The following CNBD1 variants were observed in gnomAD, a reference collection of about 807,000 sequenced individuals.
CNBD1 encodes the protein cyclic nucleotide-binding domain-containing protein 1.
A neutral mutation model predicts 54.4 loss-of-function variants in CNBD1; 71 were observed. That is an observed-to-expected ratio of 1.30 (90% confidence interval 1.08 to 1.59). The LOEUF (loss-of-function observed/expected upper bound fraction) is 1.59. Among genes scored for constraint, CNBD1 ranks in the 40% most tolerant of loss-of-function variants. The pLI is 0.00. For missense variants in CNBD1, 659 were observed against 518.0 expected (o/e 1.27, Z -2.64); for synonymous variants, 182 against 170.7 (o/e 1.07, Z -0.51).
downstream of CNBD1, among the ~76,000 whole-genome samples, chr8:87,384,256 T>C (rs1811142415): frequency 6.6e-6 from 1 of 152,254 alleles, no homozygotes; most frequent in African/African-American, 2.4e-5. Context: ...GCTTCATCTT[T>C]CAACAGACAT....
At chr8:86,959,544 A>C (rs1034004641) in intron 4 of CNBD1, among the ~76,000 whole-genome samples, 2 of 151,938 alleles carry the variant, frequency 1.3e-5, no homozygotes, top group Non-Finnish European at 2.9e-5. Flanking sequence ...GGCTTTCTTC[A>C]TTTCTTTTTA....
At chr8:87,372,631 G>T (rs1810836692) in intron 10 of CNBD1, among the ~76,000 whole-genome samples, 1 of 151,752 alleles carries the variant, frequency 6.6e-6, no homozygotes, top group Non-Finnish European at 1.5e-5. Context: ...TCTAGTAATA[G>T]CTTTTTTGTT....
intron 10 of CNBD1, among the ~76,000 whole-genome samples, chr8:87,370,458 T>G (rs1810756464): frequency 6.6e-6 from 1 of 152,188 alleles, no homozygotes; most frequent in African/African-American, 2.4e-5. Context: ...GGTTTTGATT[T>G]GCATTTCTCT....
intron 4 of CNBD1, among the ~76,000 whole-genome samples, chr8:87,117,398 C>A (rs372863014): frequency 0.013 from 1,332 of 106,156 alleles, no homozygotes; most frequent in South Asian, 0.018. Context: ...GATTCCGTCT[C>A]AAAAAAAAAA....
chr8:87,319,665 G>T (rs2130897949), intron 8 of CNBD1, among the ~76,000 whole-genome samples: 1 of 152,116 alleles, frequency 6.6e-6, no homozygotes, highest in African/African-American at 2.4e-5. Context: ...TGTTGTTACA[G>T]AAAAGTAACA....
chr8:87,195,426 C>A (rs182262329), intron 4 of CNBD1, among the ~76,000 whole-genome samples: 1 of 151,668 alleles, frequency 6.6e-6, no homozygotes, highest in African/African-American at 2.4e-5. Flanking sequence ...CAGGGTTTCA[C>A]CATGTTGGCC....
chr8:87,404,314 G>T lies in CNBD1; in HGVS notation c.214-24232G>T, dbSNP rs538320702. On this transcript the variant is annotated intron_variant, in intron 2 of 7. Coordinates refer to the CNBD1 transcript ENST00000521593. The stretch of plus-strand genomic sequence containing the variant: ...AACTGTAACAATTCCAAAAGTGATT[G>T]GTCATCACTTTTCATCATTGCCATG... Among the ~76,000 whole-genome samples, 699 of 152,046 alleles carry T rather than the reference G, an allele frequency of 4.6e-3. 7 individuals are homozygous for T. Among genetic ancestry groups the T allele is most frequent in the Non-Finnish European group, 8.9e-3 (603 of 67,942 alleles).
intron 3 of CNBD1, among the ~76,000 whole-genome samples, chr8:86,906,233 G>A (rs1242913882): frequency 6.6e-6 from 1 of 152,146 alleles, no homozygotes; most frequent in Non-Finnish European, 1.5e-5. Flanking sequence ...TGTCTCCAGG[G>A]GTTGGAAGAT....
At chr8:87,293,833 G>A (rs1808827543) in intron 8 of CNBD1, among the ~76,000 whole-genome samples, 1 of 152,158 alleles carries the variant, frequency 6.6e-6, no homozygotes, top group Non-Finnish European at 1.5e-5. Flanking sequence ...GACTGATAAT[G>A]TGAGGCAGGA....
At chr8:87,390,958 G>A (rs1170183668) in intron 2 of CNBD1, among the ~76,000 whole-genome samples, 2 of 152,038 alleles carry the variant, frequency 1.3e-5, no homozygotes, top group Non-Finnish European at 2.9e-5. Context: ...GGATGAAGCT[G>A]GAAACCATCA....
At chr8:87,137,013 T>C (rs1429165827) in intron 4 of CNBD1, among the ~76,000 whole-genome samples, 1 of 111,860 alleles carries the variant, frequency 8.9e-6, no homozygotes, top group East Asian at 2.4e-4. Flanking sequence ...ATATTCTATG[T>C]AAATTATATA....
Position 86,986,825 on chromosome 8 carries a change from T to C in CNBD1, c.431+47071T>C, listed in dbSNP as rs1808619331. Among the ~76,000 whole-genome samples, 4 of 152,180 alleles carry C rather than the reference T, an allele frequency of 2.6e-5. 1 individual carries two copies. Reference sequence around the variant, plus strand: ...CTGTTGAAGATCACCTGGTTGTAGATGTACAGCTATTTCTGAGTTCTCTAT... The same window carrying C: ...CTGTTGAAGATCACCTGGTTGTAGACGTACAGCTATTTCTGAGTTCTCTAT... On this transcript the variant is annotated intron_variant, in intron 4 of 10. Coordinates refer to ENST00000518476, the MANE Select transcript of CNBD1 (RefSeq NM_173538.3).
rs575494313 is a variant in CNBD1, at chr8:87,149,008, T to A, written c.432-56985T>A. 6.0e-4 allele frequency among the ~76,000 whole-genome samples: 91 copies of A among 152,288 alleles called. No individual in the cohort carries two copies. The Middle Eastern group carries it at 0.024, about 40-fold the overall frequency. On this transcript the variant is annotated intron_variant, in intron 4 of 10. Coordinates refer to ENST00000518476, the MANE Select transcript of CNBD1 (RefSeq NM_173538.3). ...AGTTTTCTCACCATTCCCACCACAG[T>A]CATGAGAATTCATATCACAAAGGTG...
intron 5 of CNBD1, among the ~76,000 whole-genome samples, chr8:87,223,589 A>G (rs1024313659): frequency 4.6e-5 from 7 of 152,152 alleles, no homozygotes; most frequent in South Asian, 4.1e-4. Context: ...TTTTATGGCT[A>G]CATAGTGTTC....
intron 6 of CNBD1, among the ~76,000 whole-genome samples, chr8:87,258,136 A>G (rs2130846126): frequency 6.6e-6 from 1 of 152,246 alleles, no homozygotes; most frequent in Non-Finnish European, 1.5e-5. Flanking sequence ...GTATCATCCC[A>G]AAGTTAGAGA....
At chr8:87,308,427 G>T (rs1809200437) in intron 8 of CNBD1, among the ~76,000 whole-genome samples, 1 of 152,046 alleles carries the variant, frequency 6.6e-6, no homozygotes, top group Non-Finnish European at 1.5e-5. Context: ...GCTTGGATAT[G>T]CTTTGTCTTT....
intron 4 of CNBD1, among the ~76,000 whole-genome samples, chr8:87,004,905 T>TA (rs1188439254): frequency 1.3e-5 from 2 of 152,026 alleles, no homozygotes; most frequent in Admixed American, 6.6e-5. Flanking sequence ...CCACTGAAGT[T>TA]AAAAAAATGG....
intron 4 of CNBD1, among the ~76,000 whole-genome samples, chr8:87,127,960 C>T (rs2130722827): frequency 6.6e-6 from 1 of 152,178 alleles, no homozygotes; most frequent in South Asian, 2.1e-4. Flanking sequence ...ACCCCAAACC[C>T]CCGGCTCCAC....
chr8:86,973,375 T>A (rs1183408850), intron 4 of CNBD1, among the ~76,000 whole-genome samples: 1 of 152,250 alleles, frequency 6.6e-6, no homozygotes, highest in Non-Finnish European at 1.5e-5. Context: ...AGTAATGCAG[T>A]AATAATTTAT....
Sources: allele counts gnomAD v4.1 joint callset (sites outside exome capture counted in the v4.1 genomes callset), GRCh38; gene constraint gnomAD v4.1.1; transcripts MANE v1.5; gene names NCBI Gene and HGNC (gene_info 2026-07-23, HGNC 2026-07-21).